The following UQCC1 variants were observed in gnomAD, a reference collection of about 807,000 sequenced individuals.
UQCC1 encodes bFGF-repressed Zic-binding protein.
UQCC1 carries 38 observed loss-of-function variants against 48.0 expected under a neutral mutation model. The observed-to-expected ratio is 0.79, with a 90% CI of 0.61 to 1.04. UQCC1 has a LOEUF of 1.04. UQCC1 is among the 50% of genes least tolerant of loss of function. The pLI is 0.00. For missense variants in UQCC1, 368 were observed against 381.8 expected (o/e 0.96, Z 0.30); for synonymous variants, 111 against 129.2 (o/e 0.86, Z 0.95).
intron 7 of UQCC1, among the ~76,000 whole-genome samples, chr20:35,329,016 T>A (rs1473606516): frequency 6.6e-6 from 1 of 152,192 alleles, no homozygotes; most frequent in Non-Finnish European, 1.5e-5. Flanking sequence ...GTTCCTTGAA[T>A]AAATGAATGA....
At chr20:35,410,712 A>AAAAAAAAAAAAAAAAAAAC in intron 1 of UQCC1, among the ~76,000 whole-genome samples, 1 of 118,856 alleles carries the variant, frequency 8.4e-6, no homozygotes, top group African/African-American at 3.4e-5. Flanking sequence ...CTCAAAAAAA[A>AAAAAAAAAAAAAAAAAAAC]AAAAAAAAAA....
chr20:35,386,235 A>C (rs944484253), intron 2 of UQCC1: 2 of 393,284 alleles, frequency 5.1e-6, no homozygotes, highest in African/African-American at 4.3e-5. Context: ...CTGGCAAAAA[A>C]AAAAAAATCT....
intron 8 of UQCC1, among the ~76,000 whole-genome samples, chr20:35,311,246 G>A (rs1259504266): frequency 2.0e-5 from 3 of 152,144 alleles, no homozygotes; most frequent in Admixed American, 1.3e-4. Flanking sequence ...ACAGTTCACA[G>A]AAGGCCTGGA....
chr20:35,351,237 A>G (rs1197910725), intron 6 of UQCC1, among the ~76,000 whole-genome samples: 3 of 151,952 alleles, frequency 2.0e-5, no homozygotes, highest in Admixed American at 1.3e-4. Flanking sequence ...CTAAAAATAC[A>G]AAAATTAGCC....
intron 4 of UQCC1, among the ~76,000 whole-genome samples, chr20:35,377,946 G>C (rs2061822108): frequency 6.6e-6 from 1 of 152,212 alleles, no homozygotes; most frequent in South Asian, 2.1e-4. Flanking sequence ...GCAAGGCCAA[G>C]CCTTTATACT....
At chr20:35,368,137 C>T (rs1016872692) in intron 5 of UQCC1, among the ~76,000 whole-genome samples, 3 of 152,122 alleles carry the variant, frequency 2.0e-5, no homozygotes, top group Non-Finnish European at 4.4e-5. Flanking sequence ...AAGAAAGAAG[C>T]GCTATCCTCT....
At chr20:35,405,696 T>C (rs1225796999) in intron 1 of UQCC1, among the ~76,000 whole-genome samples, 1 of 152,210 alleles carries the variant, frequency 6.6e-6, no homozygotes, top group Non-Finnish European at 1.5e-5. Flanking sequence ...GAGACCATCC[T>C]GGCCAACATG....
At chr20:35,386,041 G>A (rs952783592) in intron 2 of UQCC1, among the ~76,000 whole-genome samples, 5 of 151,856 alleles carry the variant, frequency 3.3e-5, no homozygotes, top group Non-Finnish European at 7.4e-5. Context: ...TTTACTCAGA[G>A]ATTATTATTA....
chr20:35,390,285 C>T (rs1266957357), intron 2 of UQCC1, among the ~76,000 whole-genome samples: 3 of 151,856 alleles, frequency 2.0e-5, no homozygotes, highest in Admixed American at 6.6e-5. Flanking sequence ...ATTAGCCAGG[C>T]GTGGTGGTGA....
At chr20:35,357,726 G>C (rs2061562526) in intron 6 of UQCC1, among the ~76,000 whole-genome samples, 1 of 146,256 alleles carries the variant, frequency 6.8e-6, no homozygotes. Context: ...ATAAAACAAA[G>C]TCAAAATGGT....
chr20:35,377,503 C>T (rs2061815860), intron 4 of UQCC1, among the ~76,000 whole-genome samples: 1 of 152,212 alleles, frequency 6.6e-6, no homozygotes, highest in Admixed American at 6.5e-5. Flanking sequence ...CCTAGCTCCT[C>T]ACTTCATCCA....
At chr20:35,381,649 G>C (rs1302558301) in intron 4 of UQCC1, among the ~76,000 whole-genome samples, 1 of 152,174 alleles carries the variant, frequency 6.6e-6, no homozygotes, top group Non-Finnish European at 1.5e-5. Context: ...TCCTCTATTG[G>C]AGAAGGTCAT....
intron 7 of UQCC1, among the ~76,000 whole-genome samples, chr20:35,316,016 C>T (rs1322693134): frequency 6.6e-6 from 1 of 152,158 alleles, no homozygotes; most frequent in Non-Finnish European, 1.5e-5. Context: ...GAGTGCAGTT[C>T]GCTGAATGCC....
At chr20:35,336,416 G>A (rs986842984) in intron 7 of UQCC1, among the ~76,000 whole-genome samples, 1 of 152,174 alleles carries the variant, frequency 6.6e-6, no homozygotes, top group Admixed American at 6.5e-5. Context: ...TTACCCAGTT[G>A]AGCCCTAAAT....
At chr20:35,314,278 T>C (rs142558510) in intron 8 of UQCC1, among the ~76,000 whole-genome samples, 151 of 151,816 alleles carry the variant, frequency 9.9e-4, no homozygotes, top group African/African-American at 3.5e-3. Context: ...AAAATGAATA[T>C]GTATTGCTTT....
At chr20:35,397,622 C>T (rs2062101423) in intron 1 of UQCC1, among the ~76,000 whole-genome samples, 1 of 150,892 alleles carries the variant, frequency 6.6e-6, no homozygotes, top group Non-Finnish European at 1.5e-5. Flanking sequence ...TACAGTATAA[C>T]AACTATTTAC....
chr20:35,350,224 C>A (rs1245637837), intron 6 of UQCC1, among the ~76,000 whole-genome samples: 1 of 152,124 alleles, frequency 6.6e-6, no homozygotes, highest in African/African-American at 2.4e-5. Context: ...AATTCTTGGA[C>A]TCAAGCCATC....
chr20:35,330,858 C>CT (rs1286782941), intron 7 of UQCC1, among the ~76,000 whole-genome samples: 1 of 151,182 alleles, frequency 6.6e-6, no homozygotes, highest in Non-Finnish European at 1.5e-5. Context: ...GCATTGGAGC[C>CT]TGCTGGTTAA....
At chr20:35,343,812 A>G (rs1251884629) in intron 7 of UQCC1, among the ~76,000 whole-genome samples, 2 of 152,194 alleles carry the variant, frequency 1.3e-5, no homozygotes, top group Non-Finnish European at 2.9e-5. Context: ...GCTTTTCAGA[A>G]CTGTAGATTT....
Sources: allele counts gnomAD v4.1 joint callset (sites outside exome capture counted in the v4.1 genomes callset), GRCh38; gene constraint gnomAD v4.1.1; transcripts MANE v1.5; gene names NCBI Gene and HGNC (gene_info 2026-07-23, HGNC 2026-07-21).